Variants in MARCHF10 observed in about 807,000 individuals in gnomAD.
MARCHF10 encodes the protein membrane associated ring-CH-type finger 10.
A neutral mutation model predicts 76.2 loss-of-function variants in MARCHF10; 64 were observed. That is an observed-to-expected ratio of 0.84 (90% CI 0.69 to 1.03). MARCHF10 has a LOEUF of 1.03. MARCHF10 is among the 50% of genes least tolerant of loss of function. MARCHF10 has a pLI of 0.00. For synonymous variants in MARCHF10, 340 were observed against 357.5 expected (o/e 0.95, Z 0.55); for missense variants, 875 against 958.0 (o/e 0.91, Z 1.14).
At chr17:62,796,287 C>T (rs116068299) in intron 2 of MARCHF10, among the ~76,000 whole-genome samples, 6,123 of 152,190 alleles carry the variant, frequency 0.04, 385 homozygotes, top group African/African-American at 0.14. Flanking sequence ...CCACTGCGCC[C>T]GGCCTACATC....
At chr17:62,801,537 T>G in intron 2 of MARCHF10, 109 bp downstream of exon 2, 1 of 901,688 alleles carries the variant, frequency 1.1e-6, no homozygotes. Flanking sequence ...ATCGGTGGGT[T>G]TGGATTTTAG....
chr17:62,758,742 G>A (rs555958164), intron 4 of MARCHF10, among the ~76,000 whole-genome samples: 13 of 152,326 alleles, frequency 8.5e-5, no homozygotes, highest in African/African-American at 2.4e-4. Context: ...TGGTTGCACC[G>A]CAGAAGCTAT....
intron 8 of MARCHF10, among the ~76,000 whole-genome samples, chr17:62,718,363 G>A (rs899545958): frequency 6.6e-6 from 1 of 152,196 alleles, no homozygotes; most frequent in African/African-American, 2.4e-5. Context: ...ATGTGCTGCT[G>A]TTGGGTCAGT....
intron 5 of MARCHF10, among the ~76,000 whole-genome samples, chr17:62,741,012 T>C (rs931259742): frequency 6.6e-6 from 1 of 152,230 alleles, no homozygotes; most frequent in Non-Finnish European, 1.5e-5. Context: ...TAACCCGTTA[T>C]GCATCTGTCC....
In MARCHF10 at chr17:62,799,577, G is replaced by A. The variant is rs1383973507; in HGVS notation, c.90+2069C>T. Among the ~76,000 whole-genome samples, 5 of 152,046 alleles carry A rather than the reference G, an allele frequency of 3.3e-5. No individual in the cohort carries two copies. The East Asian group carries it at 5.8e-4, about 18-fold the overall frequency. On this transcript the variant is annotated intron_variant, in intron 2 of 10. Transcript: ENST00000311269. Reference sequence around the variant, plus strand: ...AGCCTGACCAACATGGAGAAACCCCGTCTCTACTAAAAATACAAAATTAGC... The same window carrying A: ...AGCCTGACCAACATGGAGAAACCCCATCTCTACTAAAAATACAAAATTAGC...
In MARCHF10 at chr17:62,738,693, C is replaced by G. The variant is rs1490425204; in HGVS notation, c.536-1361G>C. On this transcript the variant is annotated intron_variant, in intron 5 of 10. Transcript: ENST00000311269. This position sits in a 1 kb window ranked among gnomAD's most constrained non-coding sequence, Gnocchi z 4.0. ...ATTGGGGCTCCTCACAGGGGGACACCAGTGTGAGTCTCTAATGTCCTAACA... is the reference window on the plus strand; with the variant it reads ...ATTGGGGCTCCTCACAGGGGGACACGAGTGTGAGTCTCTAATGTCCTAACA... Among the ~76,000 whole-genome samples the G allele has an allele frequency of 6.6e-6, 1 of 152,316 alleles. No homozygotes were observed. The highest frequency in any genetic ancestry group is 2.1e-4 in the South Asian group (1 of 4,826).
chr17:62,709,034 G>A (rs774686273), intron 9 of MARCHF10, among the ~76,000 whole-genome samples: 1 of 152,194 alleles, frequency 6.6e-6, no homozygotes, highest in South Asian at 2.1e-4. Context: ...TTATAAATAT[G>A]TGTCTCCTCT....
In MARCHF10 at chr17:62,759,979, CA is replaced by C; in HGVS notation, c.237del (p.Glu80AsnfsTer33). ...GATATCTTGATAGATGACCTTGGTT[CA>C]GTTAGAGCATCCTCCTCACTAGAAC... ...KQSSSEEDAL[T>X]EPRSSIKISA... On this transcript the variant is annotated frameshift_variant, in exon 4 of 11. Transcript: ENST00000311269. LOFTEE classifies it high-confidence loss of function. 6.2e-7 allele frequency: 1 copy of C among 1,613,868 alleles called. No individual in the cohort carries two copies. The highest frequency in any genetic ancestry group is 1.3e-5 in the African/African-American group (1 of 74,960).
intron 1 of MARCHF10, among the ~76,000 whole-genome samples, chr17:62,805,460 A>G (rs1014968101): frequency 5.9e-5 from 9 of 152,218 alleles, no homozygotes; most frequent in African/African-American, 2.2e-4. Flanking sequence ...TGGATGATAC[A>G]TTTTGGTTGC....
At chr17:62,783,194 GTTTTTTTTT>G (rs201262979) in intron 3 of MARCHF10, among the ~76,000 whole-genome samples, 3 of 71,382 alleles carry the variant, frequency 4.2e-5, no homozygotes, top group East Asian at 5.1e-4. Flanking sequence ...AAAATTGCCA[GTTTTTTTTT>G]TTTTTTTTTT....
Position 62,772,329 on chromosome 17 carries a change from G to A in MARCHF10, c.211-12323C>T, listed in dbSNP as rs150046752. On this transcript the variant is annotated intron_variant, in intron 3 of 10. Transcript: ENST00000311269. ...TGTCGCCATGTAAGAAGTGCCTTTC[G>A]CCTTCTGCCATGATTGTGAGGCCTC... Among the ~76,000 whole-genome samples the A allele has an allele frequency of 4.9e-3, 750 of 152,174 alleles. 5 individuals carry two copies. The highest frequency in any genetic ancestry group is 0.017 in the African/African-American group (713 of 41,516).
intron 3 of MARCHF10, among the ~76,000 whole-genome samples, chr17:62,775,502 C>A (rs965616967): frequency 7.3e-6 from 1 of 137,802 alleles, no homozygotes; most frequent in African/African-American, 3.6e-5. Context: ...ACACTGTCAG[C>A]CACTCGGGGG....
intron 1 of MARCHF10, among the ~76,000 whole-genome samples, chr17:62,803,740 T>C (rs1412744393): frequency 6.6e-6 from 1 of 152,146 alleles, no homozygotes; most frequent in Non-Finnish European, 1.5e-5. Flanking sequence ...GATCTTGAGC[T>C]CCTGACGTCA....
intron 5 of MARCHF10, among the ~76,000 whole-genome samples, chr17:62,743,567 C>T (rs766077897): frequency 1.3e-4 from 20 of 152,232 alleles, no homozygotes; most frequent in Middle Eastern, 6.8e-3. Flanking sequence ...TGCTTGAATC[C>T]GGGAGGTGGA....
At chr17:62,805,302 C>T (rs1052005112) in intron 1 of MARCHF10, among the ~76,000 whole-genome samples, 3 of 152,110 alleles carry the variant, frequency 2.0e-5, no homozygotes, top group Non-Finnish European at 2.9e-5. Flanking sequence ...TTTCAGAAAA[C>T]GATGGTGTTA....
intron 2 of MARCHF10, among the ~76,000 whole-genome samples, chr17:62,793,143 CATCACCACCACCAT>C: frequency 6.9e-6 from 1 of 145,630 alleles, no homozygotes; most frequent in Non-Finnish European, 1.5e-5. Flanking sequence ...CCATCACCAC[CATCACCACCACCAT>C]CACCACCACC....
Position 62,735,866 on chromosome 17 carries a change from C to T in MARCHF10, c.1937+65G>A, listed in dbSNP as rs180907469. 284 of 1,462,902 alleles carry T rather than the reference C, an allele frequency of 1.9e-4. No homozygotes were observed. In the East Asian group the frequency reaches 5.7e-3, roughly 29 times the overall value. The allele number at this position is 1,462,902 out of a possible 1,614,324, so 90.6% of individuals were successfully genotyped here. ...ACTTAAAATTCCCATGGCTCTCTAA[C>T]GAAAGCAATGCTAATTTTGGCCTTG... On this transcript the variant is annotated intron_variant, in intron 6 of 10. Transcript: ENST00000311269.
chr17:62,732,796 C>A (rs2091082699), intron 6 of MARCHF10, among the ~76,000 whole-genome samples: 1 of 151,886 alleles, frequency 6.6e-6, no homozygotes, highest in South Asian at 2.1e-4. Context: ...AGTTTGAGAC[C>A]AGCCTGGCCA....
At chr17:62,780,350 G>T (rs73992062) in intron 3 of MARCHF10, among the ~76,000 whole-genome samples, 7,434 of 152,272 alleles carry the variant, frequency 0.049, 599 homozygotes, top group African/African-American at 0.17. Flanking sequence ...TACTTGAAAA[G>T]ACTTTATTTT....
Sources: gnomAD v4.1 joint callset for allele counts (sites outside exome capture counted in the v4.1 genomes callset) on GRCh38, gnomAD v4.1.1 for gene constraint, Gnocchi (gnomAD v3.1) non-coding constraint, MANE v1.5 for transcripts, NCBI Gene and HGNC (gene_info 2026-07-23, HGNC 2026-07-21) for gene names.